The following CBLN2 variants were observed in gnomAD, a reference collection of about 807,000 sequenced individuals.
The protein encoded by CBLN2 is cerebellin-2.
CBLN2 carries 7 observed loss-of-function variants against 15.0 expected under a neutral mutation model. The ratio of observed to expected loss-of-function variants is 0.47; its 90% CI spans 0.27 to 0.88. The LOEUF (loss-of-function observed/expected upper bound fraction) is 0.88. Among genes scored for constraint, CBLN2 ranks in the 40% least tolerant of loss-of-function variants. The pLI, the probability that CBLN2 is intolerant of heterozygous loss-of-function variation, is 0.14. For synonymous variants in CBLN2, 149 were observed against 135.2 expected (o/e 1.10, Z -0.71); for missense variants, 242 against 304.5 (o/e 0.79, Z 1.53).
chr18:72,620,562 C>T (rs998747810), intron 1 of CBLN2: 17 of 152,192 alleles, frequency 1.1e-4, no homozygotes, highest in African/African-American at 3.9e-4. Flanking sequence ...CTGGGGTCTT[C>T]ATAGGCACAG....
Position 72,537,131 on chromosome 18 carries a change from C to T in CBLN2, c.*1045G>A, listed in dbSNP as rs1176987887. On this transcript the variant is annotated 3_prime_UTR_variant, in exon 5 of 5. Coordinates refer to ENST00000269503, the MANE Select transcript of CBLN2 (RefSeq NM_182511.4). Reference sequence around the variant, plus strand: ...AATCACCCACAGAGAAGTCACAGCACACGTGGCAAAGACATAGTATGTTTA... The same window carrying T: ...AATCACCCACAGAGAAGTCACAGCATACGTGGCAAAGACATAGTATGTTTA... 6.6e-6 allele frequency: 1 copy of T among 152,134 alleles called. No homozygotes were observed. The highest frequency in any genetic ancestry group is 1.9e-4 in the East Asian group (1 of 5,172). The allele number at this position is 152,134 out of a possible 1,614,324, so 9.4% of individuals were successfully genotyped here.
At chr18:72,596,174 G>T (rs562489719) in intron 1 of CBLN2, among the ~76,000 whole-genome samples, 23 of 151,682 alleles carry the variant, frequency 1.5e-4, no homozygotes, top group Admixed American at 1.2e-3. Flanking sequence ...ATTTTTTGTG[G>T]ATATGTTGTA....
chr18:72,578,983 C>G (rs1347908971), intron 1 of CBLN2, among the ~76,000 whole-genome samples: 3 of 152,164 alleles, frequency 2.0e-5, no homozygotes, highest in African/African-American at 7.2e-5. Flanking sequence ...CACTATCTCT[C>G]TGAGATGGAG....
In CBLN2 at chr18:72,536,728, C is replaced by T. The variant is rs1413471277; in HGVS notation, c.*1448G>A. The T allele has an allele frequency of 6.6e-6, 1 of 152,608 alleles. No individual in the cohort carries two copies. Among genetic ancestry groups the T allele is most frequent in the Non-Finnish European group, 1.5e-5 (1 of 68,026 alleles). 9.5% of individuals were successfully genotyped at this position (152,608 alleles called of 1,614,324 possible). On this transcript the variant is annotated 3_prime_UTR_variant, in exon 5 of 5. Transcript: ENST00000269503. ...CTGAATCTTAAATTATGACTTTTATCATCAATATTTTGGTTACATTGTTAC... is the reference window on the plus strand; with the variant it reads ...CTGAATCTTAAATTATGACTTTTATTATCAATATTTTGGTTACATTGTTAC...
intron 1 of CBLN2, among the ~76,000 whole-genome samples, chr18:72,608,154 G>A (rs1355942345): frequency 6.6e-6 from 1 of 151,988 alleles, no homozygotes; most frequent in African/African-American, 2.4e-5. Flanking sequence ...CTTTTCATAC[G>A]ACAGCTGCTT....
intron 1 of CBLN2, among the ~76,000 whole-genome samples, chr18:72,553,705 AT>A (rs2069205949): frequency 6.6e-6 from 1 of 152,158 alleles, no homozygotes; most frequent in Non-Finnish European, 1.5e-5. Context: ...ACCGTAGGAA[AT>A]TTCCTAATCC....
intron 1 of CBLN2, among the ~76,000 whole-genome samples, chr18:72,577,555 T>G (rs886245816): frequency 6.6e-6 from 1 of 152,332 alleles, no homozygotes; most frequent in East Asian, 1.9e-4. Context: ...GGATTTTCAT[T>G]GTCTAAATGA....
chr18:72,589,513 G>T (rs2069465347), intron 1 of CBLN2, among the ~76,000 whole-genome samples: 1 of 152,108 alleles, frequency 6.6e-6, no homozygotes, highest in Non-Finnish European at 1.5e-5. Flanking sequence ...AGGCATGGAT[G>T]AGATACTATC....
At chr18:72,558,353 C>T (rs879936551) in intron 1 of CBLN2, among the ~76,000 whole-genome samples, 5 of 152,186 alleles carry the variant, frequency 3.3e-5, no homozygotes, top group East Asian at 1.9e-4. Flanking sequence ...AGACATAATA[C>T]TCTGGGCACC....
chr18:72,594,740 C>A (rs2069502088), intron 1 of CBLN2, among the ~76,000 whole-genome samples: 1 of 151,906 alleles, frequency 6.6e-6, no homozygotes, highest in Non-Finnish European at 1.5e-5. Context: ...TTTTAGATTT[C>A]TTCTTGTTTA....
chr18:72,552,361 G>A (rs1341320097), intron 1 of CBLN2, among the ~76,000 whole-genome samples: 2 of 151,956 alleles, frequency 1.3e-5, no homozygotes, highest in Non-Finnish European at 2.9e-5. Flanking sequence ...CAGGATTACA[G>A]GCATAAGCCA....
intron 1 of CBLN2, among the ~76,000 whole-genome samples, chr18:72,602,090 G>C (rs966380072): frequency 1.3e-5 from 2 of 152,174 alleles, no homozygotes; most frequent in Non-Finnish European, 2.9e-5. Flanking sequence ...GACTGCACCA[G>C]GCTTGTTTGG....
At chr18:72,577,721 A>G (rs563454888) in intron 1 of CBLN2, among the ~76,000 whole-genome samples, 1 of 152,314 alleles carries the variant, frequency 6.6e-6, no homozygotes, top group African/African-American at 2.4e-5. Flanking sequence ...CTTTGGTGCC[A>G]TAACACAGAC....
intron 1 of CBLN2, among the ~76,000 whole-genome samples, chr18:72,631,983 T>C (rs979997416): frequency 1.5e-5 from 2 of 132,404 alleles, no homozygotes; most frequent in South Asian, 2.3e-4. Context: ...TTATCTCCAC[T>C]TTAGGCTATT....
At chr18:72,539,920 A>G (rs2069096257) in intron 3 of CBLN2, 1 of 152,230 alleles carries the variant, frequency 6.6e-6, no homozygotes, top group African/African-American at 2.4e-5. Flanking sequence ...GTTATTTCTT[A>G]CACACTCATT....
At chr18:72,596,069 G>C (rs1485071580) in intron 1 of CBLN2, among the ~76,000 whole-genome samples, 1 of 151,904 alleles carries the variant, frequency 6.6e-6, no homozygotes, top group Non-Finnish European at 1.5e-5. Context: ...CTGCCATTTT[G>C]TTACTTTTTT....
At chr18:72,587,526 A>G (rs1599012098) in intron 1 of CBLN2, among the ~76,000 whole-genome samples, 1 of 152,170 alleles carries the variant, frequency 6.6e-6, no homozygotes, top group African/African-American at 2.4e-5. Context: ...AAAGACTACA[A>G]AGTTAGGAAA....
In CBLN2 at chr18:72,541,938, C is replaced by T. The variant is rs2069115654; in HGVS notation, c.223G>A (p.Asp75Asn). Residue 75 changes from aspartate to asparagine, a missense_variant, in exon 3 of 5, where the codon GAC (aspartate) becomes AAC (asparagine). Asp to Asn is a conservative substitution (Grantham distance 23, BLOSUM62 1). Transcript: ENST00000269503. ...LVVCDSSPSA[D>N]GAVTSSLGIS... ...CCTAGGGAGGAGGTGACGGCGCCGT[C>T]CGCCGACGGGCTGGAGTCGCACACC... The T allele has an allele frequency of 6.2e-7, 1 of 1,608,010 alleles. No individual in the cohort carries two copies. The highest frequency in any genetic ancestry group is 1.3e-5 in the African/African-American group (1 of 75,032).
At chr18:72,618,653 A>T in intron 1 of CBLN2, 1 of 888,908 alleles carries the variant, frequency 1.1e-6, no homozygotes, top group Non-Finnish European at 1.8e-6. Context: ...CAGTCTGGAA[A>T]AATCGAAGTG....
Sources: gnomAD v4.1 joint callset for allele counts (sites outside exome capture counted in the v4.1 genomes callset) on GRCh38, gnomAD v4.1.1 for gene constraint, MANE v1.5 for transcripts, NCBI Gene and HGNC (gene_info 2026-07-23, HGNC 2026-07-21) for gene names.